The following DHDH variants were observed in gnomAD, a reference collection of about 807,000 sequenced individuals.
The protein encoded by DHDH is dihydrodiol dehydrogenase, also known as trans-1,2-dihydrobenzene-1,2-diol dehydrogenase.
Under a neutral mutation model 33.2 loss-of-function variants are expected in DHDH, and 29 were observed. That is an observed-to-expected ratio of 0.87 (90% CI 0.65 to 1.19). The LOEUF (loss-of-function observed/expected upper bound fraction) is 1.19, where lower values mean the gene tolerates loss of function less well. DHDH is among the 50% of genes most tolerant of loss of function. The probability of loss-of-function intolerance (pLI) is 0.00; values close to 1 mark genes in which losing one functional copy is unlikely to be tolerated. For missense variants in DHDH, 431 were observed against 455.0 expected (o/e 0.95, Z 0.48); for synonymous variants, 201 against 187.9 (o/e 1.07, Z -0.57).
intron 4 of DHDH, among the ~76,000 whole-genome samples, chr19:48,941,683 T>A (rs1374639916): frequency 6.6e-6 from 1 of 150,830 alleles, no homozygotes; most frequent in Admixed American, 6.6e-5. Flanking sequence ...GGCTTTTTTT[T>A]TTTTTTTTTG....
chr19:48,939,591 C>A lies in DHDH; in HGVS notation c.509C>A (p.Ala170Asp). Residue 170 changes from alanine (A) to aspartate (D), a missense_variant, in exon 4 of 7, where the codon GCT becomes GAT. By Grantham distance (126) the Ala-to-Asp change is moderately radical. Coordinates refer to ENST00000221403, the MANE Select transcript of DHDH (RefSeq NM_014475.4). ...CCCCGGGCCGTAGACCGGGCCCAGG[C>A]TGGGGGGGCCCTGCTGGACATCGGC... The part of the protein sequence containing the change: ...HVPRAVDRAQ[A>D]GGALLDIGIY... 2 of 1,607,140 alleles carry A rather than the reference C, an allele frequency of 1.2e-6. No homozygotes were observed. The highest frequency in any genetic ancestry group is 1.7e-6 in the Non-Finnish European group (2 of 1,178,146).
At position 48,939,542 on chromosome 19, in the gene DHDH, T is replaced by C. The variant is rs1365647924; in HGVS notation, c.460T>C (p.Phe154Leu). 1 of 1,614,010 alleles carries C rather than the reference T, an allele frequency of 6.2e-7. No homozygotes were observed. Among genetic ancestry groups the C allele is most frequent in the South Asian group, 1.1e-5 (1 of 91,064 alleles). ...LGDLRVARAE[F>L]GKNLIHVPRA... ...AGACCTCCGGGTGGCTCGGGCAGAA[T>C]TTGGGAAGAATCTCATCCACGTTCC... Residue 154 changes from phenylalanine to leucine, a missense_variant, in exon 4 of 7, where the codon TTT becomes CTT. Phe to Leu is a conservative substitution (Grantham distance 22). Transcript: ENST00000221403.
intron 5 of DHDH, 52 bp from the exon 6 acceptor site, chr19:48,944,305 C>T (rs1458471771): frequency 3.1e-6 from 5 of 1,610,550 alleles, no homozygotes; most frequent in Non-Finnish European, 3.4e-6. Flanking sequence ...TGGAGGCAGC[C>T]TCAGCAGCAC....
intron 2 of DHDH, among the ~76,000 whole-genome samples, chr19:48,935,715 G>A (rs1486270281): frequency 6.6e-6 from 1 of 151,468 alleles, no homozygotes; most frequent in Non-Finnish European, 1.5e-5. Flanking sequence ...TACTCGGGAG[G>A]CTGAGGCAGG....
At chr19:48,942,194 C>T (rs2122276680) in intron 4 of DHDH, among the ~76,000 whole-genome samples, 1 of 152,154 alleles carries the variant, frequency 6.6e-6, no homozygotes, top group Non-Finnish European at 1.5e-5. Flanking sequence ...TTAGTAGAGA[C>T]AGGGTTTCAC....
At chr19:48,934,090 G>C (rs531640233) in intron 1 of DHDH, among the ~76,000 whole-genome samples, 2 of 152,358 alleles carry the variant, frequency 1.3e-5, no homozygotes, top group East Asian at 3.9e-4. Context: ...CTATTAACCT[G>C]TAACTTTAGC....
chr19:48,934,547 C>G (rs976582956), intron 1 of DHDH, among the ~76,000 whole-genome samples: 9 of 152,178 alleles, frequency 5.9e-5, no homozygotes, highest in Non-Finnish European at 1.3e-4. Flanking sequence ...GAAAACCTAC[C>G]TGTGGCTGGA....
intron 2 of DHDH, 39 bp from the exon 3 acceptor site, chr19:48,935,993 G>A (rs1481167622): frequency 6.4e-7 from 1 of 1,561,582 alleles, no homozygotes; most frequent in Non-Finnish European, 8.7e-7. Context: ...CTGTCTGGGT[G>A]GGCGGGGCTG....
At position 48,939,694 on chromosome 19, in the gene DHDH, T is replaced by A; in HGVS notation, c.612T>A (p.His204Gln). 6.3e-7 allele frequency: 1 copy of A among 1,599,766 alleles called. No individual in the cohort carries two copies. The highest frequency in any genetic ancestry group is 8.6e-7 in the Non-Finnish European group (1 of 1,169,540). Residue 204 changes from histidine (H) to glutamine (Q), a missense_variant, in exon 4 of 7, where the codon CAT becomes CAA. Transcript: ENST00000221403. ...AGATTTCTGTCGTGGGAAGGCGTCA[T>A]GAAACAGGTACCATCTATCCTGGAA... is the stretch of plus-strand genomic sequence containing the variant. Reference protein sequence around the residue: ...PEKISVVGRRHETGVDDTVTV... With the variant: ...PEKISVVGRRQETGVDDTVTV...
Position 48,936,210 on chromosome 19 carries a change from G to T in DHDH, c.366+15G>T. 1 of 1,565,762 alleles carries T rather than the reference G, an allele frequency of 6.4e-7. No homozygotes were observed. On this transcript the variant is annotated intron_variant, in intron 3 of 6. Coordinates refer to ENST00000221403, the MANE Select transcript of DHDH (RefSeq NM_014475.4). ...TCCTTATGGAGGTGAGGGCAGAGGA[G>T]CCCTTCCAATATCCAGCGTAAAAGT...
At chr19:48,944,256 T>G in intron 5 of DHDH, 101 bp from the exon 6 acceptor site, 3 of 1,529,672 alleles carry the variant, frequency 2.0e-6, no homozygotes, top group Non-Finnish European at 2.7e-6. Flanking sequence ...AGCCACCAGG[T>G]TCAAGAGGGA....
chr19:48,944,756 G>A, intron 6 of DHDH, 68 bp from the exon 7 acceptor site: 1 of 1,414,616 alleles, frequency 7.1e-7, no homozygotes, highest in East Asian at 2.3e-5. Flanking sequence ...ATGGAATTCT[G>A]GGAATTGTAG....
At chr19:48,933,937 C>A in intron 1 of DHDH, 126 bp downstream of exon 1, 1 of 785,760 alleles carries the variant, frequency 1.3e-6, no homozygotes, top group Non-Finnish European at 2.1e-6. Context: ...CGTCTGTTTC[C>A]TTGCTACCTC....
Position 48,944,957 on chromosome 19 carries a change from A to G in DHDH, c.*24A>G. The G allele has an allele frequency of 6.3e-7, 1 of 1,599,410 alleles. No individual in the cohort carries two copies. Among genetic ancestry groups the G allele is most frequent in the Non-Finnish European group, 8.6e-7 (1 of 1,167,062 alleles). On this transcript the variant is annotated 3_prime_UTR_variant, in exon 7 of 7. Transcript: ENST00000221403. ...GATGTATCCCCGAATAAATAAAGAC[A>G]TCTTACATCTTCGTGGTAGTGGTTT...
At chr19:48,935,497 G>A (rs1277661068) in intron 2 of DHDH, among the ~76,000 whole-genome samples, 2 of 151,956 alleles carry the variant, frequency 1.3e-5, no homozygotes, top group Non-Finnish European at 2.9e-5. Flanking sequence ...CTCCAGCCTG[G>A]GCGACAGAGT....
intron 4 of DHDH, among the ~76,000 whole-genome samples, chr19:48,941,922 C>T (rs1163256590): frequency 6.6e-6 from 1 of 151,920 alleles, no homozygotes; most frequent in African/African-American, 2.4e-5. Context: ...ATCCTCCTGC[C>T]TCCACCTCCC....
Position 48,935,063 on chromosome 19 carries a change from C to T in DHDH, c.154C>T (p.Pro52Ser), listed in dbSNP as rs759025290. 11 of 1,593,574 alleles carry T rather than the reference C, an allele frequency of 6.9e-6. No individual in the cohort carries two copies. Among genetic ancestry groups the T allele is most frequent in the Non-Finnish European group, 8.5e-6 (10 of 1,171,818 alleles). Residue 52 changes from proline to serine, a missense_variant, in exon 2 of 7, where the codon CCC (proline) becomes TCC (serine). Coordinates refer to ENST00000221403, the MANE Select transcript of DHDH (RefSeq NM_014475.4). ...GGAGTTTGCACAGAAACACGACATC[C>T]CCAAGGCCTACGGCTCCTATGAGGA... is the stretch of plus-strand genomic sequence containing the variant. ...AKEFAQKHDI[P>S]KAYGSYEELA...
chr19:48,937,728 C>T (rs907278682), intron 3 of DHDH, among the ~76,000 whole-genome samples: 8 of 149,922 alleles, frequency 5.3e-5, no homozygotes, highest in Admixed American at 4.7e-4. Flanking sequence ...AGGAGAATGG[C>T]GTGAACCCGG....
At chr19:48,933,003 C>T (rs1462660767), upstream of DHDH, among the ~76,000 whole-genome samples, 4 of 152,090 alleles carry the variant, frequency 2.6e-5, no homozygotes, top group Non-Finnish European at 4.4e-5. Flanking sequence ...TGAAACCAGT[C>T]GGCCAGGCTC....
Sources: allele counts gnomAD v4.1 joint callset (sites outside exome capture counted in the v4.1 genomes callset), GRCh38; gene constraint gnomAD v4.1.1; transcripts MANE v1.5; gene names NCBI Gene and HGNC (gene_info 2026-07-23, HGNC 2026-07-21).